The following STOX2 variants were observed in gnomAD, a reference collection of about 807,000 sequenced individuals.
The protein encoded by STOX2 is storkhead box 2.
Under a neutral mutation model 60.9 loss-of-function variants are expected in STOX2, and 28 were observed. The ratio of observed to expected loss-of-function variants is 0.46; its 90% CI spans 0.34 to 0.63. The LOEUF is 0.63. Among genes scored for constraint, STOX2 ranks in the 30% least tolerant of loss-of-function variants. The probability of loss-of-function intolerance (pLI) is 0.01; values close to 1 mark genes in which losing one functional copy is unlikely to be tolerated. For synonymous variants in STOX2, 472 were observed against 463.9 expected (o/e 1.02, Z -0.22); for missense variants, 1,024 against 1,187.7 (o/e 0.86, Z 2.03).
intron 3 of STOX2, chr4:184,015,049 T>A (rs1384261039): frequency 6.6e-6 from 1 of 152,194 alleles, no homozygotes; most frequent in Non-Finnish European, 1.5e-5. Flanking sequence ...AGGTATACAA[T>A]GAAATAATCC....
chr4:184,017,034 TTTATAA>T (rs1452052285), intron 3 of STOX2, 49 bp from the exon 4 acceptor site: 2 of 1,437,974 alleles, frequency 1.4e-6, no homozygotes, highest in Non-Finnish European at 1.9e-6. Flanking sequence ...TGGGGCTCAA[TTTATAA>T]TTATTTATGT....
chr4:183,838,930 G>T (rs1739780626), intron 1 of STOX2, among the ~76,000 whole-genome samples: 1 of 152,210 alleles, frequency 6.6e-6, no homozygotes, highest in Non-Finnish European at 1.5e-5. Flanking sequence ...GTAAGCATTT[G>T]AGAATCACTG....
At chr4:183,882,516 C>T (rs1000573999) in intron 1 of STOX2, among the ~76,000 whole-genome samples, 4 of 152,178 alleles carry the variant, frequency 2.6e-5, no homozygotes, top group Non-Finnish European at 5.9e-5. Flanking sequence ...ATACCTTTAG[C>T]TGCATTAAGT....
intron 2 of STOX2, among the ~76,000 whole-genome samples, chr4:184,007,879 G>A (rs114063367): frequency 1.8e-3 from 273 of 152,248 alleles, no homozygotes; most frequent in African/African-American, 6.3e-3. Context: ...ACCTCATTTT[G>A]ACCTGACTTT....
chr4:183,834,674 G>T (rs1739659777), intron 1 of STOX2, among the ~76,000 whole-genome samples: 1 of 152,206 alleles, frequency 6.6e-6, no homozygotes, highest in South Asian at 2.1e-4. Context: ...GTCTTACAAT[G>T]ATAGTCATAT....
At chr4:183,879,857 G>A (rs1434007644) in intron 1 of STOX2, among the ~76,000 whole-genome samples, 1 of 152,080 alleles carries the variant, frequency 6.6e-6, no homozygotes, top group African/African-American at 2.4e-5. Flanking sequence ...ATGGCGCATG[G>A]CAATGAGAGG....
At chr4:183,946,410 G>A (rs1742888697) in intron 1 of STOX2, among the ~76,000 whole-genome samples, 1 of 152,044 alleles carries the variant, frequency 6.6e-6, no homozygotes, top group South Asian at 2.1e-4. Flanking sequence ...TCCATGAGGA[G>A]GGGGGGTTGG....
chr4:183,907,444 A>T (rs1741653200), intron 1 of STOX2, among the ~76,000 whole-genome samples: 1 of 152,202 alleles, frequency 6.6e-6, no homozygotes, highest in Non-Finnish European at 1.5e-5. Flanking sequence ...TCTGATTTGC[A>T]CGCAGAGAAC....
rs1053828123 is a variant in STOX2 at position 183,825,623 on chromosome 4, C to T, written c.364+27568C>T. Among the ~76,000 whole-genome samples the T allele has an allele frequency of 2.0e-5, 3 of 152,208 alleles. No homozygotes were observed. The highest frequency in any genetic ancestry group is 2.9e-5 in the Non-Finnish European group (2 of 68,034). ...ACCCCTCCCTGCCCGTCCTCTGTGTCCCAGGACTCGCGGTGAAGCCCTGAG... is the reference window on the plus strand; with the variant it reads ...ACCCCTCCCTGCCCGTCCTCTGTGTTCCAGGACTCGCGGTGAAGCCCTGAG... On this transcript the variant is annotated intron_variant, in intron 1 of 2. Transcript: ENST00000513034. This position sits in a 1 kb window ranked among gnomAD's most constrained non-coding sequence, Gnocchi z 4.1.
chr4:183,869,919 C>A (rs1740649684), intron 1 of STOX2, among the ~76,000 whole-genome samples: 1 of 151,988 alleles, frequency 6.6e-6, no homozygotes, highest in Admixed American at 6.5e-5. Context: ...TATGGTGGGA[C>A]CAAGGAATGG....
intron 1 of STOX2, among the ~76,000 whole-genome samples, chr4:183,961,421 A>T (rs1014578128): frequency 2.0e-4 from 31 of 152,026 alleles, no homozygotes; most frequent in Non-Finnish European, 3.5e-4. Context: ...ACCTTGCTTT[A>T]TGTGAGGTCA....
intron 1 of STOX2, among the ~76,000 whole-genome samples, chr4:183,979,487 T>G (rs1732573364): frequency 6.6e-6 from 1 of 152,204 alleles, no homozygotes; most frequent in Admixed American, 6.5e-5. Context: ...ACCAGATCAG[T>G]ACTGTCCAGT....
chr4:183,863,135 C>T (rs927500942), intron 1 of STOX2, among the ~76,000 whole-genome samples: 1 of 152,172 alleles, frequency 6.6e-6, no homozygotes, highest in Non-Finnish European at 1.5e-5. Flanking sequence ...GCGTACAGGA[C>T]TCATGAAAGA....
intron 1 of STOX2, among the ~76,000 whole-genome samples, chr4:183,859,226 T>G (rs1453845490): frequency 6.6e-6 from 1 of 152,148 alleles, no homozygotes; most frequent in Non-Finnish European, 1.5e-5. Flanking sequence ...CTCTTCCCAG[T>G]GTTGTAGGGT....
At chr4:183,864,382 G>A (rs546040263) in intron 1 of STOX2, among the ~76,000 whole-genome samples, 1 of 152,108 alleles carries the variant, frequency 6.6e-6, no homozygotes, top group Non-Finnish European at 1.5e-5. Context: ...TACAAGTGAT[G>A]TATAAATGGA....
At chr4:183,850,950 G>C (rs1317388636) in intron 1 of STOX2, among the ~76,000 whole-genome samples, 1 of 140,506 alleles carries the variant, frequency 7.1e-6, no homozygotes, top group African/African-American at 2.6e-5. Context: ...GAAAGGATGA[G>C]GGAAACGATG....
intron 3 of STOX2, among the ~76,000 whole-genome samples, chr4:184,012,650 G>A (rs540000794): frequency 8.6e-5 from 13 of 152,018 alleles, no homozygotes; most frequent in South Asian, 4.2e-4. Flanking sequence ...AAGTTAACAC[G>A]TGTGTGGAAG....
chr4:183,965,369 C>G (rs1743535594), intron 1 of STOX2, among the ~76,000 whole-genome samples: 1 of 152,110 alleles, frequency 6.6e-6, no homozygotes, highest in South Asian at 2.1e-4. Flanking sequence ...GAGTACTGGC[C>G]GTGCAGAAGG....
intron 1 of STOX2, among the ~76,000 whole-genome samples, chr4:183,941,239 G>A (rs1383324068): frequency 6.6e-6 from 1 of 152,010 alleles, no homozygotes; most frequent in Non-Finnish European, 1.5e-5. Context: ...TCATCCTTTT[G>A]GTTCTCCTAC....
Sources: gnomAD v4.1 joint callset for allele counts (sites outside exome capture counted in the v4.1 genomes callset) on GRCh38, gnomAD v4.1.1 for gene constraint, Gnocchi (gnomAD v3.1) non-coding constraint, MANE v1.5 for transcripts, NCBI Gene and HGNC (gene_info 2026-07-23, HGNC 2026-07-21) for gene names.